The following CDKAL1 variants were observed in gnomAD, a reference collection of about 807,000 sequenced individuals.
The protein encoded by CDKAL1 is threonylcarbamoyladenosine tRNA methylthiotransferase.
CDKAL1 carries 32 observed loss-of-function variants against 68.2 expected under a neutral mutation model. The ratio of observed to expected loss-of-function variants is 0.47; its 90% CI spans 0.35 to 0.63. The LOEUF is 0.63. CDKAL1 is among the 30% of genes least tolerant of loss of function. The pLI, the probability that CDKAL1 is intolerant of heterozygous loss-of-function variation, is 0.00. For missense variants in CDKAL1, 606 were observed against 696.7 expected (o/e 0.87, Z 1.47); for synonymous variants, 234 against 244.3 (o/e 0.96, Z 0.39).
chr6:21,028,671 G>A (rs1769093584), intron 11 of CDKAL1, among the ~76,000 whole-genome samples: 1 of 152,138 alleles, frequency 6.6e-6, no homozygotes, highest in South Asian at 2.1e-4. Context: ...AGTCACACTG[G>A]GGTATTAGGG....
In CDKAL1 at chr6:20,864,705, G is replaced by A. The variant is rs114587911; in HGVS notation, c.742+18527G>A. On this transcript the variant is annotated intron_variant, in intron 9 of 15. Coordinates refer to ENST00000274695, the MANE Select transcript of CDKAL1 (RefSeq NM_017774.3). Reference sequence around the variant, plus strand: ...GGACCAGTGTATTTTAGGTAAAATGGTATTTCTCAAATTGAATATCAGCTA... The same window carrying A: ...GGACCAGTGTATTTTAGGTAAAATGATATTTCTCAAATTGAATATCAGCTA... Among the ~76,000 whole-genome samples, 545 of 152,224 alleles carry A rather than the reference G, an allele frequency of 3.6e-3. 4 individuals are homozygous for A. Among genetic ancestry groups the A allele is most frequent in the African/African-American group, 0.011 (477 of 41,556 alleles).
intron 8 of CDKAL1, among the ~76,000 whole-genome samples, chr6:20,828,595 A>T (rs1364935189): frequency 6.6e-6 from 1 of 152,126 alleles, no homozygotes; most frequent in Non-Finnish European, 1.5e-5. Flanking sequence ...GATTATCTTT[A>T]GGTAATTGGT....
intron 8 of CDKAL1, among the ~76,000 whole-genome samples, chr6:20,804,075 A>G (rs1419007294): frequency 1.3e-5 from 2 of 152,332 alleles, no homozygotes; most frequent in Admixed American, 6.5e-5. Context: ...ACTGACATTT[A>G]TGGTATTCTG....
intron 8 of CDKAL1, among the ~76,000 whole-genome samples, chr6:20,808,558 A>G (rs1776667258): frequency 6.6e-6 from 1 of 152,106 alleles, no homozygotes; most frequent in South Asian, 2.1e-4. Context: ...CAAGGAGTTC[A>G]GAGGGAAGAG....
intron 13 of CDKAL1, among the ~76,000 whole-genome samples, chr6:21,167,596 A>G (rs1051091578): frequency 1.3e-4 from 20 of 152,212 alleles, no homozygotes; most frequent in African/African-American, 4.8e-4. Context: ...CAAGATTCTC[A>G]GTATTCTATT....
intron 4 of CDKAL1, among the ~76,000 whole-genome samples, chr6:20,638,704 C>G (rs1768020311): frequency 6.6e-6 from 1 of 151,466 alleles, no homozygotes; most frequent in South Asian, 2.1e-4. Context: ...CTCCAACTCC[C>G]TGGTTCAAGC....
chr6:21,156,862 A>G (rs9358395), intron 13 of CDKAL1, among the ~76,000 whole-genome samples: 51,408 of 151,996 alleles, frequency 0.34, 9,032 homozygotes, highest in African/African-American at 0.43. Context: ...AGAGTATCAA[A>G]CTGTATAAAG....
At chr6:20,646,023 C>A (rs562418575) in intron 4 of CDKAL1, among the ~76,000 whole-genome samples, 1 of 145,524 alleles carries the variant, frequency 6.9e-6, no homozygotes, top group South Asian at 2.2e-4. Flanking sequence ...CCTGGAGGAC[C>A]TTTCTGAGGC....
intron 13 of CDKAL1, among the ~76,000 whole-genome samples, chr6:21,173,550 C>T (rs1777472842): frequency 1.3e-5 from 2 of 152,104 alleles, no homozygotes; most frequent in Non-Finnish European, 2.9e-5. Flanking sequence ...GCTTGAGGGT[C>T]CACATTTTCT....
intron 9 of CDKAL1, among the ~76,000 whole-genome samples, chr6:20,850,788 C>A (rs888535938): frequency 6.6e-6 from 1 of 152,028 alleles, no homozygotes; most frequent in East Asian, 1.9e-4. Context: ...AGACTAAAGG[C>A]TAACCCAAAG....
intron 7 of CDKAL1, among the ~76,000 whole-genome samples, chr6:20,774,417 T>G (rs1775083674): frequency 6.6e-6 from 1 of 152,164 alleles, no homozygotes; most frequent in Non-Finnish European, 1.5e-5. Context: ...ATATATGTCT[T>G]TATGTTCGGG....
chr6:20,622,536 A>G (rs575250957), intron 4 of CDKAL1, among the ~76,000 whole-genome samples: 4 of 152,180 alleles, frequency 2.6e-5, no homozygotes, highest in African/African-American at 7.2e-5. Flanking sequence ...CTCTGCTTCT[A>G]GATGACAGTG....
chr6:21,204,677 C>G (rs1380196383), intron 15 of CDKAL1, among the ~76,000 whole-genome samples: 1 of 152,118 alleles, frequency 6.6e-6, no homozygotes, highest in African/African-American at 2.4e-5. Flanking sequence ...ATCTGAGCAT[C>G]CATAATTCAA....
chr6:20,708,352 C>G (rs532943397), intron 5 of CDKAL1, among the ~76,000 whole-genome samples: 8 of 152,224 alleles, frequency 5.3e-5, no homozygotes, highest in African/African-American at 1.9e-4. Flanking sequence ...TCTCTCCTTG[C>G]AAGGCCTACT....
chr6:20,548,675 C>G lies in CDKAL1; in HGVS notation c.256C>G (p.Gln86Glu). The G allele has an allele frequency of 6.4e-7, 1 of 1,572,068 alleles. No individual in the cohort carries two copies. The highest frequency in any genetic ancestry group is 8.7e-7 in the Non-Finnish European group (1 of 1,145,240). ...NNSDGEYMAG[Q>E]LAAYGYKITE... ...TTCAGATGGAGAATATATGGCTGGA[C>G]AGCTAGCTGCTTATGGCTATAAAAT... Residue 86 changes from glutamine (Q) to glutamate (E), a missense_variant, in exon 4 of 16, where the codon CAG becomes GAG. Gln to Glu is a conservative substitution (Grantham distance 29). Coordinates refer to ENST00000274695, the MANE Select transcript of CDKAL1 (RefSeq NM_017774.3).
intron 7 of CDKAL1, among the ~76,000 whole-genome samples, chr6:20,772,670 TC>T (rs753062633): frequency 3.3e-5 from 5 of 152,194 alleles, no homozygotes; most frequent in Non-Finnish European, 5.9e-5. Flanking sequence ...AACATTCCAT[TC>T]CAATGAATGT....
intron 3 of CDKAL1, among the ~76,000 whole-genome samples, chr6:20,548,227 T>C (rs1763679528): frequency 6.6e-6 from 1 of 152,198 alleles, no homozygotes; most frequent in African/African-American, 2.4e-5. Flanking sequence ...TAGTGGTTTT[T>C]ATTTTAAAAA....
At chr6:21,223,906 T>C (rs1779629351) in intron 15 of CDKAL1, among the ~76,000 whole-genome samples, 3 of 152,266 alleles carry the variant, frequency 2.0e-5, no homozygotes, top group Admixed American at 1.3e-4. Context: ...CCGTGGAGGT[T>C]TGCTGTCCTC....
At chr6:20,826,119 A>G (rs1459657786) in intron 8 of CDKAL1, among the ~76,000 whole-genome samples, 1 of 152,128 alleles carries the variant, frequency 6.6e-6, no homozygotes, top group East Asian at 1.9e-4. Flanking sequence ...TCTCCTTTGT[A>G]GGGGAAACTG....
Sources: allele counts gnomAD v4.1 joint callset (sites outside exome capture counted in the v4.1 genomes callset), GRCh38; gene constraint gnomAD v4.1.1; transcripts MANE v1.5; gene names NCBI Gene and HGNC (gene_info 2026-07-23, HGNC 2026-07-21).